The following UAP1 variants were observed in gnomAD, a reference collection of about 807,000 sequenced individuals.
UAP1 encodes the protein UDP-N-acetylhexosamine pyrophosphorylase.
A neutral mutation model predicts 58.5 loss-of-function variants in UAP1; 25 were observed. The ratio of observed to expected loss-of-function variants is 0.43; its 90% confidence interval spans 0.31 to 0.60. UAP1 has a LOEUF of 0.60. Among genes scored for constraint, UAP1 ranks in the 20% least tolerant of loss-of-function variants. UAP1 has a pLI of 0.11. For synonymous variants in UAP1, 208 were observed against 213.0 expected (o/e 0.98, Z 0.21); for missense variants, 575 against 630.0 (o/e 0.91, Z 0.93).
intron 9 of UAP1, chr1:162,597,407 C>A: frequency 6.1e-6 from 1 of 164,142 alleles, no homozygotes; most frequent in Non-Finnish European, 1.3e-5. Context: ...GATTAAAATG[C>A]AATATGAAGG....
At chr1:162,585,199 G>T (rs1030081976) in intron 5 of UAP1, among the ~76,000 whole-genome samples, 1 of 151,908 alleles carries the variant, frequency 6.6e-6, no homozygotes, top group African/African-American at 2.4e-5. Context: ...CCTGGACTCA[G>T]TTTTTCTGGA....
At chr1:162,586,361 G>A (rs951753163) in intron 5 of UAP1, among the ~76,000 whole-genome samples, 2 of 152,090 alleles carry the variant, frequency 1.3e-5, no homozygotes, top group East Asian at 3.8e-4. Context: ...TTACTCTGTT[G>A]CCCAGGCTCG....
intron 2 of UAP1, 143 bp from the exon 3 acceptor site, chr1:162,576,634 C>A: frequency 1.4e-6 from 1 of 732,562 alleles, no homozygotes; most frequent in Non-Finnish European, 2.2e-6. Context: ...CTAGCCTGTA[C>A]CCAAAATCAG....
downstream of UAP1, among the ~76,000 whole-genome samples, chr1:162,600,646 CTTTT>C (rs765693902): frequency 7.1e-6 from 1 of 140,300 alleles, no homozygotes; most frequent in Admixed American, 7.1e-5. Flanking sequence ...TTAAGGATCA[CTTTT>C]TTTTTTTTTT....
chr1:162,583,201 G>A (rs7532418), intron 5 of UAP1, among the ~76,000 whole-genome samples: 62,207 of 136,730 alleles, frequency 0.45, 15,030 homozygotes, highest in Admixed American at 0.55. Context: ...CGCCTGGGCC[G>A]GAGTGCAGTG....
intron 5 of UAP1, among the ~76,000 whole-genome samples, chr1:162,583,146 CTTTTTT>C (rs11376471): frequency 1.5e-5 from 1 of 68,044 alleles, no homozygotes; most frequent in African/African-American, 6.2e-5. Flanking sequence ...TGGTGTCACT[CTTTTTT>C]TTTTTTTTTT....
At chr1:162,566,032 C>T (rs746106605) in exon 2 of UAP1, 1 of 1,589,922 alleles carries the variant, frequency 6.3e-7, no homozygotes, top group Non-Finnish European at 8.6e-7. Flanking sequence ...ACATACATTA[C>T]ACCCCTATTT....
At chr1:162,590,232 T>C (rs1655215414) in intron 7 of UAP1, 91 bp from the exon 8 acceptor site, 1 of 997,898 alleles carries the variant, frequency 1.0e-6, no homozygotes, top group Non-Finnish European at 1.4e-6. Flanking sequence ...GGAAAGCCTA[T>C]TGTTGAGACC....
intron 7 of UAP1, among the ~76,000 whole-genome samples, chr1:162,589,912 A>G (rs1655192928): frequency 6.6e-6 from 1 of 152,180 alleles, no homozygotes. Flanking sequence ...GAGAGGTTGC[A>G]GTGAGCTGAG....
intron 6 of UAP1, chr1:162,587,953 A>C (rs1655006241): frequency 3.8e-6 from 1 of 265,550 alleles, no homozygotes; most frequent in Non-Finnish European, 7.1e-6. Context: ...TGTTGAAGCA[A>C]AGCATAAGAA....
downstream of UAP1, among the ~76,000 whole-genome samples, chr1:162,600,444 T>G (rs1392071877): frequency 1.3e-5 from 2 of 152,194 alleles, no homozygotes; most frequent in Admixed American, 1.3e-4. Context: ...GTGTCTAAAA[T>G]GCTGTTTGCA....
intron 9 of UAP1, 64 bp downstream of exon 9, chr1:162,592,846 G>A: frequency 7.0e-7 from 1 of 1,420,232 alleles, no homozygotes; most frequent in Non-Finnish European, 9.7e-7. Flanking sequence ...ATACTAACTG[G>A]CATCGTAGTT....
intron 9 of UAP1, chr1:162,597,296 T>A (rs578162305): frequency 1.3e-5 from 2 of 152,380 alleles, no homozygotes; most frequent in African/African-American, 4.8e-5. Context: ...TTTAAAAATT[T>A]TAATTAAATT....
chr1:162,589,107 ATTATATATATATTTTATATATATAAT>A (rs1483895043), intron 7 of UAP1, among the ~76,000 whole-genome samples: 1 of 118,806 alleles, frequency 8.4e-6, no homozygotes, highest in Non-Finnish European at 1.6e-5. Context: ...AAATATATAT[ATTATATATATATTTTATATATATAAT>A]TTATATATTT....
chr1:162,598,534 A>G (rs1655745601), intron 10 of UAP1, among the ~76,000 whole-genome samples: 1 of 152,158 alleles, frequency 6.6e-6, no homozygotes, highest in Admixed American at 6.5e-5. Flanking sequence ...TAGATGAATC[A>G]CCTGGCTTTT....
intron 2 of UAP1, among the ~76,000 whole-genome samples, chr1:162,568,227 A>T (rs1259090281): frequency 6.6e-6 from 1 of 152,232 alleles, no homozygotes; most frequent in African/African-American, 2.4e-5. Context: ...CCCTGTAAAA[A>T]GAAAGATTAC....
chr1:162,593,338 C>G (rs1655433990), intron 9 of UAP1: 1 of 152,472 alleles, frequency 6.6e-6, no homozygotes, highest in African/African-American at 2.4e-5. Context: ...AATGGCAGAT[C>G]ATTTTTAGTT....
chr1:162,570,105 T>C (rs1004655918), intron 2 of UAP1, among the ~76,000 whole-genome samples: 9 of 150,108 alleles, frequency 6.0e-5, no homozygotes, highest in Admixed American at 2.0e-4. Flanking sequence ...GCCAAGATCG[T>C]GCCACTGTAC....
At chr1:162,561,532 T>A (rs983616359) in exon 1 of UAP1, 2 of 151,300 alleles carry the variant, frequency 1.3e-5, no homozygotes, top group Admixed American at 6.6e-5. Context: ...CGCGTCGTCG[T>A]CTGTGCTCCC....
Sources: allele counts gnomAD v4.1 joint callset (sites outside exome capture counted in the v4.1 genomes callset), GRCh38; gene constraint gnomAD v4.1.1; transcripts MANE v1.5; gene names NCBI Gene and HGNC (gene_info 2026-07-23, HGNC 2026-07-21).